The following SV2C variants were observed in gnomAD, a reference collection of about 807,000 sequenced individuals.
SV2C encodes synaptic vesicle glycoprotein 2C, also known as solute carrier family 22 member B3.
SV2C carries 49 observed loss-of-function variants against 79.7 expected under a neutral mutation model. The ratio of observed to expected loss-of-function variants is 0.61; its 90% CI spans 0.49 to 0.78. The LOEUF is 0.78. Ranked by LOEUF, SV2C falls within the 30% of genes least tolerant of loss-of-function variation. The pLI is 0.00. For synonymous variants in SV2C, 334 were observed against 333.2 expected, an observed-to-expected ratio of 1.00 and a Z score of -0.03; for missense variants, 833 against 912.9, an observed-to-expected ratio of 0.91 and a Z score of 1.13.
At chr5:76,300,989 C>T in intron 11 of SV2C, 57 bp downstream of exon 11, 2 of 1,574,610 alleles carry the variant, frequency 1.3e-6, no homozygotes, top group African/African-American at 1.4e-5. Flanking sequence ...CAGAGGGACC[C>T]TGTTTCCCCC....
intron 2 of SV2C, among the ~76,000 whole-genome samples, chr5:76,174,631 A>G (rs997830279): frequency 5.9e-5 from 9 of 152,214 alleles, no homozygotes; most frequent in African/African-American, 2.2e-4. Context: ...TTTTTAGGCC[A>G]CCTGTGGTCT....
the SV2C span, among the ~76,000 whole-genome samples, chr5:75,993,521 G>A: frequency 2.8e-3 from 421 of 152,066 alleles, 2 homozygotes; most frequent in African/African-American, 9.7e-3. Context: ...CCCACGAAAC[G>A]GACACTGGCT....
intron 4 of SV2C, among the ~76,000 whole-genome samples, chr5:76,229,476 C>T (rs1745348186): frequency 6.6e-6 from 1 of 152,234 alleles, no homozygotes; most frequent in South Asian, 2.1e-4. Flanking sequence ...GCAAGTCCTT[C>T]AGTGGGGTTA....
chr5:76,268,663 A>G (rs1461171278), intron 4 of SV2C, among the ~76,000 whole-genome samples: 1 of 152,198 alleles, frequency 6.6e-6, no homozygotes, highest in East Asian at 1.9e-4. Context: ...GGTAATAACC[A>G]TTTATAAGCT....
At chr5:76,320,290 G>C (rs1261053897) in intron 12 of SV2C, among the ~76,000 whole-genome samples, 1 of 152,116 alleles carries the variant, frequency 6.6e-6, no homozygotes, top group African/African-American at 2.4e-5. Context: ...AGGGTTGTGG[G>C]GAGAGAGGAA....
chr5:75,867,477 G>A, the SV2C span, among the ~76,000 whole-genome samples: 5 of 152,278 alleles, frequency 3.3e-5, no homozygotes, highest in South Asian at 1.0e-3. Flanking sequence ...AGAAGGGGAA[G>A]AATCTTGAAA....
the SV2C span, among the ~76,000 whole-genome samples, chr5:76,071,296 G>A: frequency 6.6e-6 from 1 of 152,274 alleles, no homozygotes; most frequent in Non-Finnish European, 1.5e-5. Flanking sequence ...GAAAGTATGT[G>A]GAGAAGACGC....
the SV2C span, among the ~76,000 whole-genome samples, chr5:75,918,334 G>A: frequency 1.3e-5 from 2 of 152,062 alleles, no homozygotes; most frequent in East Asian, 3.8e-4. Flanking sequence ...AAATAAACAG[G>A]GGCTTTATAT....
At chr5:76,151,869 C>G (rs1749616839) in intron 2 of SV2C, among the ~76,000 whole-genome samples, 1 of 152,108 alleles carries the variant, frequency 6.6e-6, no homozygotes, top group South Asian at 2.1e-4. Flanking sequence ...TAAGAGGAAG[C>G]TGTCCAGGAA....
At chr5:75,902,824 GA>G in the SV2C span, among the ~76,000 whole-genome samples, 1 of 152,330 alleles carries the variant, frequency 6.6e-6, no homozygotes, top group East Asian at 1.9e-4. Context: ...ATGATGAAAA[GA>G]GGTATTTATA....
chr5:76,351,179 G>A (rs759822531), intron 12 of SV2C, among the ~76,000 whole-genome samples: 1 of 152,166 alleles, frequency 6.6e-6, no homozygotes, highest in Non-Finnish European at 1.5e-5. Context: ...AGGTGAGATA[G>A]CTGAACCTGT....
At chr5:76,005,549 C>T in the SV2C span, among the ~76,000 whole-genome samples, 2 of 152,146 alleles carry the variant, frequency 1.3e-5, no homozygotes, top group Non-Finnish European at 2.9e-5. Context: ...TGAGACATGG[C>T]TGATCATGCA....
the SV2C span, among the ~76,000 whole-genome samples, chr5:75,925,246 G>A: frequency 6.6e-6 from 1 of 152,158 alleles, no homozygotes; most frequent in Non-Finnish European, 1.5e-5. Flanking sequence ...TGTGCCATCA[G>A]GCTCAGCACA....
chr5:76,239,902 G>A (rs902574742), intron 4 of SV2C, among the ~76,000 whole-genome samples: 1 of 152,130 alleles, frequency 6.6e-6, no homozygotes, highest in African/African-American at 2.4e-5. Flanking sequence ...TGTCACAAAT[G>A]CCCAACTCCC....
chr5:76,341,270 G>T (rs138852894), intron 12 of SV2C, among the ~76,000 whole-genome samples: 18 of 152,044 alleles, frequency 1.2e-4, no homozygotes, highest in African/African-American at 4.3e-4. Context: ...ACACATGGTG[G>T]CTCACACCTG....
the SV2C span, among the ~76,000 whole-genome samples, chr5:76,069,160 T>A: frequency 6.6e-6 from 1 of 152,174 alleles, no homozygotes; most frequent in African/African-American, 2.4e-5. Context: ...AGAAGAAGGT[T>A]TGAAGTTGTA....
chr5:75,940,843 T>A, the SV2C span, among the ~76,000 whole-genome samples: 1 of 152,208 alleles, frequency 6.6e-6, no homozygotes, highest in African/African-American at 2.4e-5. Flanking sequence ...AACCCTTAGG[T>A]CATAAGAATA....
chr5:75,924,413 A>T, the SV2C span, among the ~76,000 whole-genome samples: 1 of 152,228 alleles, frequency 6.6e-6, no homozygotes. Context: ...GAAATAAAAA[A>T]ATATTCATTT....
chr5:75,941,150 C>T, the SV2C span, among the ~76,000 whole-genome samples: 1 of 152,078 alleles, frequency 6.6e-6, no homozygotes, highest in African/African-American at 2.4e-5. Flanking sequence ...TCAGTTGGTG[C>T]AATACCAGCT....
Sources: gnomAD v4.1 joint callset for allele counts (sites outside exome capture counted in the v4.1 genomes callset) on GRCh38, gnomAD v4.1.1 for gene constraint, MANE v1.5 for transcripts, NCBI Gene and HGNC (gene_info 2026-07-23, HGNC 2026-07-21) for gene names.